ITGA2: variants seen among roughly 807,000 people sequenced by gnomAD.
ITGA2 encodes the protein integrin alpha-2.
Under a neutral mutation model 146.3 loss-of-function variants are expected in ITGA2, and 101 were observed. The ratio of observed to expected loss-of-function variants is 0.69; its 90% confidence interval spans 0.59 to 0.81. ITGA2 has a LOEUF of 0.81. Among genes scored for constraint, ITGA2 ranks in the 40% least tolerant of loss-of-function variants. The pLI, the probability that ITGA2 is intolerant of heterozygous loss-of-function variation, is 0.00. For synonymous variants in ITGA2, 477 were observed against 487.1 expected (o/e 0.98, Z 0.27); for missense variants, 1,281 against 1,402.7 (o/e 0.91, Z 1.39).
rs3212486 is a variant in ITGA2 at position 53,048,216 on chromosome 5, G to A, written c.388-147G>A. The A allele has an allele frequency of 0.29, 204,133 of 713,346 alleles. 29,852 individuals are homozygous for A. The highest frequency in any genetic ancestry group is 0.34 in the Admixed American group (16,813 of 49,216). 44.2% of individuals were successfully genotyped at this position (713,346 alleles called of 1,614,324 possible). On this transcript the variant is annotated intron_variant, in intron 4 of 29. Coordinates refer to ENST00000296585, the MANE Select transcript of ITGA2 (RefSeq NM_002203.4). ...CTTCTCCATCACTTCTGCTTTCCCC[G>A]AAGGCATTACTGACTCATTGGTTTT... is the stretch of plus-strand genomic sequence containing the variant.
intron 2 of ITGA2, among the ~76,000 whole-genome samples, chr5:53,040,553 C>A (rs895981501): frequency 2.0e-5 from 3 of 152,156 alleles, no homozygotes; most frequent in African/African-American, 7.2e-5. Flanking sequence ...TTTTCAAAAG[C>A]CTTAACCTAT....
intron 6 of ITGA2, among the ~76,000 whole-genome samples, chr5:53,049,265 G>A (rs1051139354): frequency 2.0e-5 from 3 of 152,126 alleles, no homozygotes; most frequent in African/African-American, 7.2e-5. Context: ...ACCTGCCTCA[G>A]CCTCCCAAAG....
chr5:52,992,665 C>A (rs540493844), intron 1 of ITGA2, among the ~76,000 whole-genome samples: 2 of 152,288 alleles, frequency 1.3e-5, no homozygotes, highest in African/African-American at 4.8e-5. Context: ...CTGTATGTAA[C>A]TTTTAAACTG....
At position 53,073,944 on chromosome 5, in the gene ITGA2, T is replaced by TAA. The variant is rs376587596; in HGVS notation, c.2572-420_2572-419dup. Among the ~76,000 whole-genome samples, 31 of 67,766 alleles carry TAA rather than the reference T, an allele frequency of 4.6e-4. No individual in the cohort carries two copies. In the East Asian group the frequency reaches 6.6e-3, roughly 14 times the overall value. The allele number at this position is 67,766 out of a possible 152,430, so 44.5% of individuals were successfully genotyped here. On this transcript the variant is annotated intron_variant, in intron 20 of 29. Coordinates refer to ENST00000296585, the MANE Select transcript of ITGA2 (RefSeq NM_002203.4). ...AGGGAAAAAAAAACCTGAAGAAAACTAAAAAAAAAAAAAAAAAAAAAACCC... is the reference window on the plus strand; with the variant it reads ...AGGGAAAAAAAAACCTGAAGAAAACTAAAAAAAAAAAAAAAAAAAAAAAACCC...
In ITGA2 at chr5:53,063,784, A is replaced by G. The variant is rs561810897; in HGVS notation, c.1602+855A>G. Among the ~76,000 whole-genome samples the G allele has an allele frequency of 3.0e-4, 46 of 152,058 alleles. 1 individual carries two copies. The South Asian group carries it at 4.8e-3, about 16-fold the overall frequency. ...GCAATTATACATATAAAGAATGTGT[A>G]ATTGAGTATCAACAAAGGCTGGACC... is the stretch of plus-strand genomic sequence containing the variant. On this transcript the variant is annotated intron_variant, in intron 13 of 29. Coordinates refer to ENST00000296585, the MANE Select transcript of ITGA2 (RefSeq NM_002203.4).
In ITGA2 at chr5:53,089,997, G is replaced by T. The variant is rs1267372719; in HGVS notation, c.3400G>T (p.Val1134Phe). The change falls in exon 29 of 30, where the codon GTT becomes TTT. Residue 1134 changes from valine (V) to phenylalanine (F), a missense_variant. Coordinates refer to ENST00000296585, the MANE Select transcript of ITGA2 (RefSeq NM_002203.4). ...PDEKAEVPTG[V>F]IIGSIIAGIL... ...TGAGAAAGCCGAAGTACCAACAGGA[G>T]TTATAATAGGAAGTATAATTGCTGG... The T allele has an allele frequency of 2.5e-6, 4 of 1,613,654 alleles. No individual in the cohort carries two copies.
chr5:53,053,912 A>T (rs1199470681), intron 7 of ITGA2, among the ~76,000 whole-genome samples: 1 of 152,154 alleles, frequency 6.6e-6, no homozygotes, highest in Non-Finnish European at 1.5e-5. Context: ...GGGTAATTAA[A>T]ACTAAATGAG....
At chr5:53,000,624 T>C (rs1211231168) in intron 1 of ITGA2, among the ~76,000 whole-genome samples, 2 of 152,168 alleles carry the variant, frequency 1.3e-5, no homozygotes, top group Non-Finnish European at 2.9e-5. Context: ...AAAACATTCA[T>C]TGAGTTCTTA....
intron 11 of ITGA2, among the ~76,000 whole-genome samples, chr5:53,060,320 T>C (rs1739624246): frequency 6.6e-6 from 1 of 151,946 alleles, no homozygotes; most frequent in Non-Finnish European, 1.5e-5. Context: ...TCTTATAGTA[T>C]TTTAGAGCTC....
intron 21 of ITGA2, 77 bp from the exon 22 acceptor site, chr5:53,074,984 T>C: frequency 1.0e-6 from 1 of 972,668 alleles, no homozygotes; most frequent in Non-Finnish European, 1.6e-6. Context: ...TTTACTTTTA[T>C]GAGAAACATT....
At position 53,083,224 on chromosome 5, in the gene ITGA2, C is replaced by T. The variant is rs1746010924; in HGVS notation, c.3145-116C>T. Reference sequence around the variant, plus strand: ...GAACTACTAATAGCTCATGAGATTGCCTGTTTCCCTAGGTGTGTCCCAGCA... The same window carrying T: ...GAACTACTAATAGCTCATGAGATTGTCTGTTTCCCTAGGTGTGTCCCAGCA... On this transcript the variant is annotated intron_variant, in intron 26 of 29. Coordinates refer to ENST00000296585, the MANE Select transcript of ITGA2 (RefSeq NM_002203.4). The T allele has an allele frequency of 5.7e-6, 4 of 703,686 alleles. No individual in the cohort carries two copies. In the Admixed American group the frequency reaches 8.2e-5, roughly 15 times the overall value. The allele number at this position is 703,686 out of a possible 1,614,324, so 43.6% of individuals were successfully genotyped here.
intron 1 of ITGA2, among the ~76,000 whole-genome samples, chr5:52,999,640 G>A (rs1741469855): frequency 6.6e-6 from 1 of 152,002 alleles, no homozygotes; most frequent in Admixed American, 6.6e-5. Context: ...AAGGAACACT[G>A]AGCATGGTGA....
Position 53,075,113 on chromosome 5 carries a change from C to A in ITGA2, c.2717C>A (p.Ala906Glu). The change falls in exon 22 of 30, where the codon GCG becomes GAG. Residue 906 changes from alanine (A) to glutamate (E), a missense_variant. Around this residue, in one of 3 missense-constraint regions of ITGA2, gnomAD observed 475 missense variants for 530.5 expected, o/e 0.90. Coordinates refer to ENST00000296585, the MANE Select transcript of ITGA2 (RefSeq NM_002203.4). ...AATCTTCAAAACCTTCAGAATCAGGCGTCTCTCAGTTTCCAAGCCTTAAGG... is the reference window on the plus strand; with the variant it reads ...AATCTTCAAAACCTTCAGAATCAGGAGTCTCTCAGTTTCCAAGCCTTAAGG... ...DFNLQNLQNQ[A>E]SLSFQALSES... is the part of the protein sequence containing the mutation. 3.7e-6 allele frequency: 6 copies of A among 1,611,472 alleles called. No individual in the cohort carries two copies. The highest frequency in any genetic ancestry group is 5.1e-6 in the Non-Finnish European group (6 of 1,178,356).
At chr5:53,021,580 C>T (rs1285415285) in intron 1 of ITGA2, among the ~76,000 whole-genome samples, 6 of 152,178 alleles carry the variant, frequency 3.9e-5, no homozygotes, top group African/African-American at 1.2e-4. Flanking sequence ...CCCCTGCCCT[C>T]GGCATGCTCT....
At chr5:52,990,824 A>G (rs972172664) in intron 1 of ITGA2, among the ~76,000 whole-genome samples, 26 of 152,024 alleles carry the variant, frequency 1.7e-4, no homozygotes, top group African/African-American at 6.3e-4. Context: ...GAACCAGATG[A>G]GTTGTTTTGA....
chr5:53,065,743 C>T (rs1745116573), intron 14 of ITGA2, 98 bp from the exon 15 acceptor site: 3 of 1,451,744 alleles, frequency 2.1e-6, no homozygotes, highest in Admixed American at 1.8e-5. Flanking sequence ...CAATCTGGGA[C>T]ATTACTATAT....
At chr5:53,072,145 A>G in intron 18 of ITGA2, 97 bp downstream of exon 18, 2 of 862,836 alleles carry the variant, frequency 2.3e-6, no homozygotes, top group South Asian at 1.4e-5. Flanking sequence ...CAGCCTGAAA[A>G]TTCTTAATTT....
intron 16 of ITGA2, among the ~76,000 whole-genome samples, chr5:53,069,798 T>A (rs967890444): frequency 4.0e-5 from 6 of 150,466 alleles, no homozygotes; most frequent in Non-Finnish European, 2.9e-5. Flanking sequence ...CCCGTGCTTG[T>A]GGGAGTGAGC....
chr5:53,032,246 A>T (rs1743260504), intron 2 of ITGA2, among the ~76,000 whole-genome samples: 1 of 152,232 alleles, frequency 6.6e-6, no homozygotes, highest in Non-Finnish European at 1.5e-5. Context: ...AAAGCTCTAC[A>T]TGTGTTATGA....
Sources: gnomAD v4.1 joint callset for allele counts (sites outside exome capture counted in the v4.1 genomes callset) on GRCh38, gnomAD v4.1.1 for gene constraint, gnomAD v4.1.1 regional missense constraint, MANE v1.5 for transcripts, NCBI Gene and HGNC (gene_info 2026-07-23, HGNC 2026-07-21) for gene names.